Variants in KCNB2 observed in about 807,000 individuals in gnomAD.
KCNB2 encodes the protein potassium voltage-gated channel subfamily B member 2.
KCNB2 carries 15 observed loss-of-function variants against 61.5 expected under a neutral mutation model. The observed-to-expected ratio is 0.24, with a 90% CI of 0.16 to 0.38. KCNB2 has a LOEUF of 0.38. Ranked by LOEUF, KCNB2 falls within the 10% of genes least tolerant of loss-of-function variation. The pLI, the probability that KCNB2 is intolerant of heterozygous loss-of-function variation, is 1.00. For missense variants in KCNB2, 828 were observed against 1,125.2 expected (o/e 0.74, Z 3.78); for synonymous variants, 457 against 446.0 (o/e 1.02, Z -0.31).
intron 2 of KCNB2, among the ~76,000 whole-genome samples, chr8:72,913,844 CATT>C (rs1283036317): frequency 2.6e-5 from 4 of 152,150 alleles, no homozygotes; most frequent in Non-Finnish European, 5.9e-5. Context: ...ATGAATATAT[CATT>C]GTTTGAATTC....
intron 2 of KCNB2, among the ~76,000 whole-genome samples, chr8:72,729,618 T>G (rs1325255267): frequency 1.3e-5 from 2 of 152,184 alleles, no homozygotes; most frequent in Non-Finnish European, 2.9e-5. Context: ...GCGCGGTGGC[T>G]CATGCCAGTA....
At chr8:72,725,726 C>T (rs532291906) in intron 2 of KCNB2, among the ~76,000 whole-genome samples, 1 of 150,968 alleles carries the variant, frequency 6.6e-6, no homozygotes, top group African/African-American at 2.4e-5. Context: ...GGTCCTTCTG[C>T]CCAGACTGTG....
chr8:72,725,556 T>C (rs1466265440), intron 2 of KCNB2, among the ~76,000 whole-genome samples: 2 of 61,724 alleles, frequency 3.2e-5, no homozygotes, highest in South Asian at 4.8e-4. Flanking sequence ...TATATATATA[T>C]GTATATATGT....
At chr8:72,758,863 C>T (rs1406517368) in intron 2 of KCNB2, among the ~76,000 whole-genome samples, 1 of 152,156 alleles carries the variant, frequency 6.6e-6, no homozygotes, top group Non-Finnish European at 1.5e-5. Context: ...GGAGAAAAAA[C>T]AGAACTCTGC....
intron 2 of KCNB2, among the ~76,000 whole-genome samples, chr8:72,607,030 TGAG>T (rs1256029058): frequency 2.6e-5 from 4 of 151,834 alleles, no homozygotes; most frequent in African/African-American, 4.8e-5. Flanking sequence ...CAGGGCAAAA[TGAG>T]TTATAGAGTG....
intron 2 of KCNB2, among the ~76,000 whole-genome samples, chr8:72,903,345 A>G (rs1451855080): frequency 6.6e-6 from 1 of 152,190 alleles, no homozygotes; most frequent in African/African-American, 2.4e-5. Flanking sequence ...GGTGGAGGTC[A>G]GAATTGACCA....
chr8:72,827,657 C>A, intron 2 of KCNB2, among the ~76,000 whole-genome samples: 1 of 152,138 alleles, frequency 6.6e-6, no homozygotes, highest in East Asian at 1.9e-4. Flanking sequence ...TGTAGCTGGG[C>A]TCCCTTTCTG....
intron 1 of KCNB2, among the ~76,000 whole-genome samples, chr8:72,561,777 G>GTATATATATATATATACATATA: frequency 3.3e-5 from 1 of 29,994 alleles, no homozygotes; most frequent in Non-Finnish European, 8.5e-5. Context: ...ATATATATAT[G>GTATATATATATATATACATATA]GATATATATA....
chr8:72,818,229 AC>A (rs935565390), intron 2 of KCNB2, among the ~76,000 whole-genome samples: 1 of 152,198 alleles, frequency 6.6e-6, no homozygotes, highest in Non-Finnish European at 1.5e-5. Context: ...CTAGTATGTA[AC>A]AAAAATATTA....
intron 2 of KCNB2, among the ~76,000 whole-genome samples, chr8:72,684,987 A>G (rs767713328): frequency 7.9e-5 from 12 of 152,244 alleles, no homozygotes; most frequent in Non-Finnish European, 1.5e-4. Context: ...AACAAATTTA[A>G]GAGGTTTCCA....
chr8:72,772,033 T>C (rs1391775704), intron 2 of KCNB2, among the ~76,000 whole-genome samples: 1 of 151,896 alleles, frequency 6.6e-6, no homozygotes, highest in Non-Finnish European at 1.5e-5. Context: ...AAGACCACAG[T>C]TGGTGATGAA....
intron 2 of KCNB2, among the ~76,000 whole-genome samples, chr8:72,738,048 A>G (rs1047124918): frequency 2.6e-5 from 4 of 152,186 alleles, no homozygotes; most frequent in African/African-American, 9.6e-5. Flanking sequence ...ACACAAATTG[A>G]CATACTCTAA....
chr8:72,738,905 G>A (rs570187150), intron 2 of KCNB2, among the ~76,000 whole-genome samples: 1 of 152,222 alleles, frequency 6.6e-6, no homozygotes, highest in South Asian at 2.1e-4. Flanking sequence ...GGAACATTTT[G>A]ACATAGGATG....
intron 2 of KCNB2, among the ~76,000 whole-genome samples, chr8:72,675,027 C>A (rs773143117): frequency 3.9e-5 from 6 of 152,136 alleles, no homozygotes; most frequent in Non-Finnish European, 5.9e-5. Context: ...GAGGGGTTGA[C>A]TTCTATTTGC....
chr8:72,632,376 C>A (rs1427709983), intron 2 of KCNB2, among the ~76,000 whole-genome samples: 1 of 152,192 alleles, frequency 6.6e-6, no homozygotes, highest in African/African-American at 2.4e-5. Context: ...CACACTCACT[C>A]ATTTGCATAT....
chr8:72,799,939 G>A (rs972694452), intron 2 of KCNB2, among the ~76,000 whole-genome samples: 53 of 152,160 alleles, frequency 3.5e-4, no homozygotes, highest in African/African-American at 1.1e-3. Context: ...GCAAGGCTGC[G>A]GTCCATTTCC....
chr8:72,861,590 C>T (rs182109950), intron 2 of KCNB2, among the ~76,000 whole-genome samples: 8 of 152,130 alleles, frequency 5.3e-5, no homozygotes, highest in South Asian at 2.1e-4. Context: ...GGAGGAGGCC[C>T]GAGCTGGTTT....
At chr8:72,655,760 A>G (rs185905607) in intron 2 of KCNB2, among the ~76,000 whole-genome samples, 1 of 152,290 alleles carries the variant, frequency 6.6e-6, no homozygotes, top group Non-Finnish European at 1.5e-5. Flanking sequence ...TGAATAGAAA[A>G]GTGGAAATTT....
chr8:72,667,006 T>TGTGTGTGA (rs141712140), intron 2 of KCNB2, among the ~76,000 whole-genome samples: 1,522 of 147,906 alleles, frequency 0.01, 23 homozygotes, highest in African/African-American at 0.034. Context: ...TGTGTGTGTG[T>TGTGTGTGA]GAGAGAGAGA....
Sources: gnomAD v4.1 joint callset for allele counts (sites outside exome capture counted in the v4.1 genomes callset) on GRCh38, gnomAD v4.1.1 for gene constraint, MANE v1.5 for transcripts, NCBI Gene and HGNC (gene_info 2026-07-23, HGNC 2026-07-21) for gene names.